Variants in SPATA18 observed in about 807,000 individuals in gnomAD.
SPATA18 encodes mitochondria-eating protein.
SPATA18 carries 54 observed loss-of-function variants against 68.1 expected under a neutral mutation model. The observed-to-expected ratio is 0.79, with a 90% CI of 0.64 to 0.99. The LOEUF (loss-of-function observed/expected upper bound fraction) is 0.99, where lower values mean the gene tolerates loss of function less well. Among genes scored for constraint, SPATA18 ranks in the 50% least tolerant of loss-of-function variants. The probability of loss-of-function intolerance (pLI) is 0.00; values close to 1 mark genes in which losing one functional copy is unlikely to be tolerated. For synonymous variants in SPATA18, 242 were observed against 244.8 expected, an observed-to-expected ratio of 0.99 and a Z score of 0.11; for missense variants, 724 against 681.1, an observed-to-expected ratio of 1.06 and a Z score of -0.70.
Position 52,060,477 on chromosome 4 carries a change from A to T in SPATA18, c.146A>T (p.Lys49Met). The T allele has an allele frequency of 6.2e-7, 1 of 1,614,070 alleles. No homozygotes were observed. Among genetic ancestry groups the T allele is most frequent in the African/African-American group, 1.3e-5 (1 of 75,050 alleles). The change falls in exon 2 of 13, where the codon AAG becomes ATG. Residue 49 changes from lysine (K) to methionine (M), a missense_variant. Transcript: ENST00000295213. ...CTTGAACTCATTGAGCAAGTTGCCAAGGTGCAGGGACAACTCTTTGGGATC... is the reference window on the plus strand; with the variant it reads ...CTTGAACTCATTGAGCAAGTTGCCATGGTGCAGGGACAACTCTTTGGGATC... ...HCLELIEQVA[K>M]VQGQLFGILT...
Position 52,096,770 on chromosome 4 carries a change from A to T in SPATA18, c.*1883A>T, listed in dbSNP as rs1742460951. On this transcript the variant is annotated 3_prime_UTR_variant, in exon 13 of 13. Transcript: ENST00000295213. ...TTGTTAATGTTTTAAACAAAAAAAA[A>T]AAAACCTTACAGTCTTGCCCTGATT... The T allele has an allele frequency of 6.6e-6, 1 of 152,126 alleles. No individual in the cohort carries two copies. The highest frequency in any genetic ancestry group is 1.5e-5 in the Non-Finnish European group (1 of 68,020). 9.4% of individuals were successfully genotyped at this position (152,126 alleles called of 1,614,324 possible). A position where few individuals can be genotyped will look rare whatever the true frequency, so the allele number is the denominator to read the frequency against.
intron 11 of SPATA18, among the ~76,000 whole-genome samples, chr4:52,093,134 C>G (rs1055299674): frequency 1.3e-5 from 2 of 152,008 alleles, no homozygotes; most frequent in Admixed American, 1.3e-4. Flanking sequence ...TACCCCTAAA[C>G]TTAAAAAGAA....
intron 9 of SPATA18, among the ~76,000 whole-genome samples, chr4:52,081,333 A>G (rs1740900954): frequency 6.6e-6 from 1 of 152,244 alleles, no homozygotes; most frequent in Non-Finnish European, 1.5e-5. Flanking sequence ...GATTGGATTT[A>G]GTTCTACTTC....
chr4:52,083,913 A>C (rs937090298), intron 10 of SPATA18, among the ~76,000 whole-genome samples: 3 of 151,544 alleles, frequency 2.0e-5, no homozygotes, highest in African/African-American at 7.3e-5. Context: ...GCTAATTTTC[A>C]TATTTTTAGT....
chr4:52,070,542 G>T (rs1340736077), intron 5 of SPATA18, among the ~76,000 whole-genome samples: 2 of 150,624 alleles, frequency 1.3e-5, no homozygotes, highest in South Asian at 2.1e-4. Flanking sequence ...TGTGGGGTAG[G>T]GGGAGGGGGG....
At chr4:52,063,767 T>G (rs1231404833) in intron 4 of SPATA18, among the ~76,000 whole-genome samples, 2 of 152,162 alleles carry the variant, frequency 1.3e-5, no homozygotes, top group Non-Finnish European at 2.9e-5. Context: ...TACTGCCCTC[T>G]GGGTTCTTGC....
rs932586351 is a variant in SPATA18 at position 52,084,931 on chromosome 4, T to C, written c.1495T>C (p.Ser499Pro). The change falls in exon 11 of 13, where the codon TCT becomes CCT. Residue 499 changes from serine to proline, a missense_variant. By Grantham distance (74) the Ser-to-Pro change is moderately conservative. Coordinates refer to ENST00000295213, the MANE Select transcript of SPATA18 (RefSeq NM_145263.4). ...RRGAFWNSVR[S>P]VSRCRSRSLS... ...CTTTTTTAAGTGGAATTCGGTGCGA[T>C]CTGTAAGTCGTTGTCGAAGCAGGAG... 4 of 1,613,942 alleles carry C rather than the reference T, an allele frequency of 2.5e-6. No homozygotes were observed. The African/African-American group carries it at 5.3e-5, about 22-fold the overall frequency.
intron 10 of SPATA18, among the ~76,000 whole-genome samples, chr4:52,083,650 A>G (rs1741144569): frequency 6.6e-6 from 1 of 151,486 alleles, no homozygotes; most frequent in Admixed American, 6.6e-5. Context: ...GAGGCTGAGG[A>G]GGGAGGATTG....
chr4:52,060,340 C>G (rs890114115), intron 1 of SPATA18, 79 bp from the exon 2 acceptor site: 34 of 1,173,266 alleles, frequency 2.9e-5, no homozygotes, highest in Non-Finnish European at 6.2e-6. Flanking sequence ...GCTCGTGGGT[C>G]AAGTGAGGCC....
Position 52,084,904 on chromosome 4 carries a change from C to G in SPATA18, c.1480-12C>G, listed in dbSNP as rs1200597972. 6.2e-7 allele frequency: 1 copy of G among 1,613,692 alleles called. No homozygotes were observed. On this transcript the variant is annotated splice_polypyrimidine_tract_variant and intron_variant, in intron 10 of 12. Transcript: ENST00000295213. ...CCTGACTATGTCTCTCTCTTTCTCT[C>G]TCTTTTTTAAGTGGAATTCGGTGCG...
chr4:52,085,207 C>T (rs558322178), intron 11 of SPATA18, among the ~76,000 whole-genome samples: 4 of 152,036 alleles, frequency 2.6e-5, no homozygotes, highest in Non-Finnish European at 4.4e-5. Context: ...ATCTTTCTTT[C>T]TTAGTTCAAG....
At chr4:52,077,724 ATTGTATTAATGC>A (rs1236056180) in intron 7 of SPATA18, among the ~76,000 whole-genome samples, 1 of 152,140 alleles carries the variant, frequency 6.6e-6, no homozygotes, top group Non-Finnish European at 1.5e-5. Flanking sequence ...GAAGGCTGTG[ATTGTATTAATGC>A]TTCTGTTTGT....
At chr4:52,064,879 C>T (rs2109432794) in intron 4 of SPATA18, among the ~76,000 whole-genome samples, 2 of 152,352 alleles carry the variant, frequency 1.3e-5, no homozygotes, top group South Asian at 4.1e-4. Flanking sequence ...TACTAGTTTA[C>T]ATTCCTACCA....
rs1740430391 is a variant in SPATA18, at chr4:52,077,022, C to A, written c.1002C>A (p.Ile334=). 1.1e-5 allele frequency: 17 copies of A among 1,606,508 alleles called. No individual in the cohort carries two copies. Among genetic ancestry groups the A allele is most frequent in the Non-Finnish European group, 1.4e-5 (16 of 1,176,272 alleles). ...CIDKAETVQR[I]IYIATVEAFH... ...ACAAGGCTGAGACCGTTCAGCGGAT[C>A]ATCTACATCGCCACAGTGGTATGTG... is the stretch of plus-strand genomic sequence containing the variant. The change falls in exon 7 of 13, where the codon ATC becomes ATA. Residue 334 remains isoleucine (I), a synonymous_variant. Transcript: ENST00000295213.
At chr4:52,057,506 T>C (rs1009684131) in intron 1 of SPATA18, among the ~76,000 whole-genome samples, 1 of 152,230 alleles carries the variant, frequency 6.6e-6, no homozygotes, top group African/African-American at 2.4e-5. Context: ...AAAACTCATT[T>C]GACCACCATT....
chr4:52,087,900 G>A lies in SPATA18; in HGVS notation c.1563+2901G>A, dbSNP rs532741140. On this transcript the variant is annotated intron_variant, in intron 11 of 12. Transcript: ENST00000295213. ...CACGATATTAACTCTTCCTATCCAT[G>A]AACATGGAATATGTTTCCATTTATT... 2.1e-4 allele frequency among the ~76,000 whole-genome samples: 32 copies of A among 152,310 alleles called. 1 individual carries two copies. The highest frequency in any genetic ancestry group is 2.0e-3 in the Admixed American group (31 of 15,292).
chr4:52,083,104 A>G, intron 10 of SPATA18: 1 of 983,168 alleles, frequency 1.0e-6, no homozygotes, highest in Non-Finnish European at 1.2e-6. Flanking sequence ...AAAAAAAAGG[A>G]GTCTTAGGTA....
chr4:52,076,895 A>G lies in SPATA18; in HGVS notation c.875A>G (p.Lys292Arg), dbSNP rs141695566. 0.012 allele frequency: 19,063 copies of G among 1,614,198 alleles called. 131 individuals are homozygous for G. Among genetic ancestry groups the G allele is most frequent in the Non-Finnish European group, 0.015 (17,563 of 1,180,032 alleles). The change falls in exon 7 of 13, where the codon AAG (lysine) becomes AGG (arginine). Residue 292 changes from lysine to arginine, a missense_variant. Coordinates refer to ENST00000295213, the MANE Select transcript of SPATA18 (RefSeq NM_145263.4). ...AGGAGACCGTCCCCAAACCGCTCCA[A>G]GCTGTCCAATGTGGCGCGCAAGGCT... ...KVRRPSPNRS[K>R]LSNVARKAAL...
At chr4:52,090,922 T>C (rs1741885822) in intron 11 of SPATA18, among the ~76,000 whole-genome samples, 1 of 152,066 alleles carries the variant, frequency 6.6e-6, no homozygotes, top group Non-Finnish European at 1.5e-5. Context: ...TTCAAGTACA[T>C]TTTCAGTCAA....
Sources: gnomAD v4.1 joint callset for allele counts (sites outside exome capture counted in the v4.1 genomes callset) on GRCh38, gnomAD v4.1.1 for gene constraint, MANE v1.5 for transcripts, NCBI Gene and HGNC (gene_info 2026-07-23, HGNC 2026-07-21) for gene names.